The following OPCML variants were observed in gnomAD, a reference collection of about 807,000 sequenced individuals.
OPCML encodes opioid binding protein/cell adhesion molecule like.
A neutral mutation model predicts 37.8 loss-of-function variants in OPCML; 13 were observed. The observed-to-expected ratio is 0.34, with a 90% CI of 0.22 to 0.55. OPCML has a LOEUF of 0.55. Ranked by LOEUF, OPCML falls within the 20% of genes least tolerant of loss-of-function variation. The pLI, the probability that OPCML is intolerant of heterozygous loss-of-function variation, is 0.91. For synonymous variants in OPCML, 176 were observed against 168.8 expected, an observed-to-expected ratio of 1.04 and a Z score of -0.33; for missense variants, 341 against 435.6, an observed-to-expected ratio of 0.78 and a Z score of 1.93.
intron 3 of OPCML, among the ~76,000 whole-genome samples, chr11:132,644,350 T>C (rs1375474104): frequency 1.3e-5 from 2 of 152,082 alleles, no homozygotes; most frequent in Non-Finnish European, 2.9e-5. Flanking sequence ...TGCTTTTAAC[T>C]AACAAAAACC....
intron 1 of OPCML, among the ~76,000 whole-genome samples, chr11:133,088,776 G>A (rs1948857991): frequency 6.6e-6 from 1 of 152,170 alleles, no homozygotes; most frequent in Non-Finnish European, 1.5e-5. Flanking sequence ...AACCCAGAAT[G>A]GTCTAAATGT....
chr11:133,431,314 T>C (rs1946109941), intron 1 of OPCML, among the ~76,000 whole-genome samples: 1 of 152,234 alleles, frequency 6.6e-6, no homozygotes, highest in Non-Finnish European at 1.5e-5. Context: ...AAACTATATG[T>C]ATTGTATGAA....
intron 1 of OPCML, among the ~76,000 whole-genome samples, chr11:133,392,930 A>T (rs904193153): frequency 6.6e-6 from 1 of 152,278 alleles, no homozygotes; most frequent in Non-Finnish European, 1.5e-5. Flanking sequence ...CTGGTGAAAA[A>T]TTTGAGTCAT....
chr11:132,942,816 A>G, intron 2 of OPCML, 110 bp downstream of exon 2: 1 of 1,420,482 alleles, frequency 7.0e-7, no homozygotes, highest in Non-Finnish European at 9.7e-7. Context: ...GGGCCTGCAC[A>G]AGGCCCACTC....
intron 3 of OPCML, among the ~76,000 whole-genome samples, chr11:132,622,538 A>G (rs1939485670): frequency 6.6e-6 from 1 of 152,208 alleles, no homozygotes; most frequent in Non-Finnish European, 1.5e-5. Flanking sequence ...TGACGTTTTC[A>G]CGCCAGTGGG....
intron 1 of OPCML, among the ~76,000 whole-genome samples, chr11:133,505,163 G>A (rs187077402): frequency 1.5e-3 from 226 of 152,326 alleles, no homozygotes; most frequent in African/African-American, 5.2e-3. Context: ...AAATAGGAAC[G>A]TAACACCATC....
chr11:132,827,665 A>C (rs896162999), intron 2 of OPCML, among the ~76,000 whole-genome samples: 1 of 152,096 alleles, frequency 6.6e-6, no homozygotes, highest in African/African-American at 2.4e-5. Context: ...GTTGAGATGG[A>C]GTCTCTCCCT....
intron 1 of OPCML, among the ~76,000 whole-genome samples, chr11:133,034,680 G>A (rs1348338961): frequency 4.6e-5 from 7 of 151,864 alleles, no homozygotes; most frequent in Admixed American, 1.3e-4. Flanking sequence ...GATCTATGAT[G>A]CTTAGACGCA....
chr11:132,812,066 C>A (rs888946196), intron 2 of OPCML, among the ~76,000 whole-genome samples: 1 of 152,160 alleles, frequency 6.6e-6, no homozygotes, highest in Non-Finnish European at 1.5e-5. Context: ...TTTAGCCTAA[C>A]TTTTCTCATT....
intron 2 of OPCML, among the ~76,000 whole-genome samples, chr11:132,933,349 C>A (rs766243403): frequency 6.6e-6 from 1 of 152,172 alleles, no homozygotes; most frequent in Non-Finnish European, 1.5e-5. Flanking sequence ...TCCTCCCTTG[C>A]AAATCGTTCA....
intron 3 of OPCML, among the ~76,000 whole-genome samples, chr11:132,643,387 C>T (rs1251873895): frequency 6.6e-6 from 1 of 152,172 alleles, no homozygotes; most frequent in Non-Finnish European, 1.5e-5. Flanking sequence ...CAGAGAACCG[C>T]AGGGTGTCCT....
chr11:133,269,510 A>C (rs1466096199), intron 1 of OPCML, among the ~76,000 whole-genome samples: 3 of 152,230 alleles, frequency 2.0e-5, no homozygotes, highest in Non-Finnish European at 2.9e-5. Context: ...TCACATTGAC[A>C]TAGACTGAAC....
intron 4 of OPCML, among the ~76,000 whole-genome samples, chr11:132,522,072 T>C (rs538855607): frequency 6.6e-6 from 1 of 152,354 alleles, no homozygotes; most frequent in South Asian, 2.1e-4. Context: ...AAAAGTGTAA[T>C]CATACAATAT....
intron 3 of OPCML, among the ~76,000 whole-genome samples, chr11:132,568,481 G>T (rs1340595976): frequency 6.6e-6 from 1 of 152,162 alleles, no homozygotes; most frequent in Admixed American, 6.5e-5. Flanking sequence ...ATTAGGGTAG[G>T]TCCTAATCCA....
intron 1 of OPCML, among the ~76,000 whole-genome samples, chr11:132,961,384 A>G (rs922542710): frequency 6.6e-6 from 1 of 152,200 alleles, no homozygotes; most frequent in Non-Finnish European, 1.5e-5. Context: ...ATATAAACAA[A>G]TAGTGTATAG....
chr11:132,944,992 A>G (rs1232290872), intron 1 of OPCML, among the ~76,000 whole-genome samples: 1 of 152,262 alleles, frequency 6.6e-6, no homozygotes, highest in African/African-American at 2.4e-5. Context: ...ATACAAAGGC[A>G]TACTACTTGC....
chr11:133,316,502 T>C (rs1208836795), intron 1 of OPCML, among the ~76,000 whole-genome samples: 3 of 151,996 alleles, frequency 2.0e-5, no homozygotes, highest in Non-Finnish European at 4.4e-5. Flanking sequence ...TTAGGACAAA[T>C]ACCTAATGCA....
intron 2 of OPCML, among the ~76,000 whole-genome samples, chr11:132,871,530 C>A (rs1052649143): frequency 6.6e-6 from 1 of 152,194 alleles, no homozygotes. Flanking sequence ...GAGACTTGAG[C>A]ATTCCTGGAT....
chr11:133,509,017 C>T (rs1177183715), intron 1 of OPCML, among the ~76,000 whole-genome samples: 1 of 151,876 alleles, frequency 6.6e-6, no homozygotes, highest in African/African-American at 2.4e-5. Context: ...TTATTGAGTG[C>T]CTATGTGTCA....
Sources: gnomAD v4.1 joint callset for allele counts (sites outside exome capture counted in the v4.1 genomes callset) on GRCh38, gnomAD v4.1.1 for gene constraint, MANE v1.5 for transcripts, NCBI Gene and HGNC (gene_info 2026-07-23, HGNC 2026-07-21) for gene names.